The following LRP12 variants were observed in gnomAD, a reference collection of about 807,000 sequenced individuals.
LRP12 encodes the protein low-density lipoprotein receptor-related protein 12.
In LRP12, 14 loss-of-function variants were observed where a neutral mutation model predicts 66.0. That is an observed-to-expected ratio of 0.21 (90% CI 0.14 to 0.33). The LOEUF is 0.33. Among genes scored for constraint, LRP12 ranks in the 10% least tolerant of loss-of-function variants. LRP12 has a pLI of 1.00. For synonymous variants in LRP12, 357 were observed against 359.1 expected (o/e 0.99, Z 0.07); for missense variants, 889 against 1,053.4 (o/e 0.84, Z 2.16).
At chr8:104,496,942 G>A in intron 5 of LRP12, 30 bp downstream of exon 5, 1 of 1,465,334 alleles carries the variant, frequency 6.8e-7, no homozygotes, top group Non-Finnish European at 9.0e-7. Context: ...TGCTTTTATT[G>A]AGGCCCAATA....
intron 2 of LRP12, among the ~76,000 whole-genome samples, chr8:104,527,041 C>A (rs1463916204): frequency 6.6e-6 from 1 of 150,848 alleles, no homozygotes; most frequent in Non-Finnish European, 1.5e-5. Context: ...AGACACTTCT[C>A]AAAAGAAGAC....
At chr8:104,538,194 A>G (rs77201149) in intron 1 of LRP12, among the ~76,000 whole-genome samples, 164 of 152,328 alleles carry the variant, frequency 1.1e-3, no homozygotes, top group African/African-American at 3.6e-3. Flanking sequence ...AAAGAGAAAA[A>G]GGATAACTGG....
intron 2 of LRP12, among the ~76,000 whole-genome samples, chr8:104,530,447 T>C (rs1024817859): frequency 1.3e-5 from 2 of 152,042 alleles, no homozygotes; most frequent in African/African-American, 2.4e-5. Context: ...TGAACATTCA[T>C]AGAAAAAAGG....
intron 1 of LRP12, among the ~76,000 whole-genome samples, chr8:104,533,585 A>G (rs1351491204): frequency 6.6e-6 from 1 of 152,110 alleles, no homozygotes; most frequent in Non-Finnish European, 1.5e-5. Flanking sequence ...CTTCTATATT[A>G]TACATTGCTA....
intron 1 of LRP12, among the ~76,000 whole-genome samples, chr8:104,540,965 C>T (rs1811467133): frequency 1.3e-5 from 2 of 152,252 alleles, no homozygotes; most frequent in East Asian, 3.9e-4. Context: ...ATCTCCTGAC[C>T]TCATGATCCA....
intron 1 of LRP12, among the ~76,000 whole-genome samples, chr8:104,554,335 A>G (rs1255082914): frequency 6.6e-6 from 1 of 152,222 alleles, no homozygotes; most frequent in Non-Finnish European, 1.5e-5. Context: ...TCAAAGAGGC[A>G]TCAGAGAAAG....
At chr8:104,499,835 C>T (rs1405951043) in intron 3 of LRP12, among the ~76,000 whole-genome samples, 2 of 152,160 alleles carry the variant, frequency 1.3e-5, no homozygotes, top group Non-Finnish European at 1.5e-5. Flanking sequence ...CCACTTCTAA[C>T]TCAGAACATC....
At chr8:104,520,504 C>G (rs780344411) in intron 2 of LRP12, among the ~76,000 whole-genome samples, 13 of 152,148 alleles carry the variant, frequency 8.5e-5, no homozygotes, top group Non-Finnish European at 1.8e-4. Flanking sequence ...TCATCTCTAT[C>G]AGCTTTGACA....
intron 1 of LRP12, among the ~76,000 whole-genome samples, chr8:104,560,480 G>A (rs1023371863): frequency 5.9e-5 from 9 of 152,134 alleles, no homozygotes; most frequent in Non-Finnish European, 1.3e-4. Context: ...CAGCAACCTA[G>A]GAGGCAACAC....
intron 1 of LRP12, among the ~76,000 whole-genome samples, chr8:104,548,143 A>ATATATTAAT (rs1433533277): frequency 0.011 from 964 of 89,234 alleles, 30 homozygotes; most frequent in African/African-American, 0.045. Context: ...AATTATAATT[A>ATATATTAAT]TATTATATAT....
chr8:104,576,314 C>G (rs1463242613), intron 1 of LRP12, among the ~76,000 whole-genome samples: 2 of 152,062 alleles, frequency 1.3e-5, no homozygotes, highest in Admixed American at 1.3e-4. Flanking sequence ...GGTGTGTAAT[C>G]ATCAGATTCT....
At chr8:104,498,146 C>A in intron 4 of LRP12, 70 bp from the exon 5 acceptor site, 1 of 1,342,228 alleles carries the variant, frequency 7.5e-7, no homozygotes, top group Non-Finnish European at 1.0e-6. Context: ...AGACATAAAA[C>A]AGCAAGTGAT....
intron 2 of LRP12, among the ~76,000 whole-genome samples, chr8:104,509,455 G>A (rs1810959836): frequency 6.6e-6 from 1 of 152,128 alleles, no homozygotes; most frequent in Non-Finnish European, 1.5e-5. Context: ...GTCCCTCCCG[G>A]GACATGAATC....
intron 5 of LRP12, chr8:104,495,857 G>C (rs1810715144): frequency 6.6e-6 from 1 of 151,508 alleles, no homozygotes; most frequent in Admixed American, 6.6e-5. Flanking sequence ...GGGAGACGGA[G>C]TGCAGTGAGC....
intron 1 of LRP12, among the ~76,000 whole-genome samples, chr8:104,588,059 G>T (rs1239620389): frequency 6.6e-6 from 1 of 152,168 alleles, no homozygotes; most frequent in African/African-American, 2.4e-5. Context: ...CTCTTAACCC[G>T]AAAGGAGTTA....
In LRP12 at chr8:104,562,333, T is replaced by C. The variant is rs74855343; in HGVS notation, c.79+26486A>G. 1.7e-3 allele frequency among the ~76,000 whole-genome samples: 255 copies of C among 152,308 alleles called. 10 individuals carry two copies. In the East Asian group the frequency reaches 0.046, roughly 27 times the overall value. On this transcript the variant is annotated intron_variant, in intron 1 of 6. Transcript: ENST00000276654. ...AACCTTTGACCTAGTAATTCTACTT[T>C]TATAAACCATAATAAACATTCAAAC...
At chr8:104,566,455 T>C (rs1812005801) in intron 1 of LRP12, 1 of 201,554 alleles carries the variant, frequency 5.0e-6, no homozygotes, top group Non-Finnish European at 1.0e-5. Context: ...TTTGGTGGGT[T>C]GATAGGAAAT....
chr8:104,547,747 CAT>C (rs1491552582), intron 1 of LRP12, among the ~76,000 whole-genome samples: 7 of 117,694 alleles, frequency 5.9e-5, no homozygotes, highest in African/African-American at 1.1e-4. Flanking sequence ...AATATATAAT[CAT>C]ATATAATATA....
At position 104,588,772 on chromosome 8, in the gene LRP12, G is replaced by A. The variant is rs753253143; in HGVS notation, c.79+47C>T. On this transcript the variant is annotated intron_variant, in intron 1 of 6. Coordinates refer to ENST00000276654, the MANE Select transcript of LRP12 (RefSeq NM_013437.5). ...TCCTGGAGGCCTCGGGGCCCGGGTC[G>A]CCTCAGCTTTGTTCGGTCAGCGGGG... 1.9e-6 allele frequency: 3 copies of A among 1,572,966 alleles called. 1 individual carries two copies. In the South Asian group the frequency reaches 3.4e-5, roughly 18 times the overall value.
Sources: gnomAD v4.1 joint callset for allele counts (sites outside exome capture counted in the v4.1 genomes callset) on GRCh38, gnomAD v4.1.1 for gene constraint, MANE v1.5 for transcripts, NCBI Gene and HGNC (gene_info 2026-07-23, HGNC 2026-07-21) for gene names.